Variants in IPO11 observed in about 807,000 individuals in gnomAD.
IPO11 encodes importin-11.
A neutral mutation model predicts 143.2 loss-of-function variants in IPO11; 66 were observed. The ratio of observed to expected loss-of-function variants is 0.46; its 90% CI spans 0.38 to 0.57. The LOEUF (loss-of-function observed/expected upper bound fraction) is 0.57. IPO11 is among the 20% of genes least tolerant of loss of function. The probability of loss-of-function intolerance (pLI) is 0.00; values close to 1 mark genes in which losing one functional copy is unlikely to be tolerated. For missense variants in IPO11, 1,026 were observed against 1,141.0 expected (o/e 0.90, Z 1.45); for synonymous variants, 385 against 377.8 (o/e 1.02, Z -0.22).
At chr5:62,424,444 T>G (rs1454100224) in intron 1 of IPO11, among the ~76,000 whole-genome samples, 1 of 151,024 alleles carries the variant, frequency 6.6e-6, no homozygotes, top group East Asian at 2.0e-4. Context: ...TGGCTCAGCT[T>G]CTTTTTGAGA....
chr5:62,508,845 A>C (rs773369234), intron 19 of IPO11, among the ~76,000 whole-genome samples: 5 of 152,114 alleles, frequency 3.3e-5, no homozygotes, highest in Non-Finnish European at 7.4e-5. Context: ...TATGAGTGAG[A>C]ACATGCGGTG....
intron 10 of IPO11, chr5:62,483,524 G>T: frequency 2.5e-6 from 1 of 398,434 alleles, no homozygotes; most frequent in Non-Finnish European, 4.4e-6. Flanking sequence ...TGAAGCTTAG[G>T]GACTTTAAGA....
intron 6 of IPO11, among the ~76,000 whole-genome samples, chr5:62,469,493 A>G (rs1351029097): frequency 1.3e-5 from 2 of 152,162 alleles, no homozygotes; most frequent in South Asian, 2.1e-4. Context: ...TGTAATAGCA[A>G]TCCTTATTTA....
chr5:62,520,047 C>T (rs1314337741), intron 20 of IPO11, among the ~76,000 whole-genome samples: 4 of 152,216 alleles, frequency 2.6e-5, no homozygotes, highest in Non-Finnish European at 2.9e-5. Context: ...GTGACCTCCC[C>T]TTATGCCACT....
chr5:62,488,203 G>A (rs1158899778), intron 13 of IPO11, among the ~76,000 whole-genome samples: 2 of 152,150 alleles, frequency 1.3e-5, no homozygotes, highest in Non-Finnish European at 2.9e-5. Context: ...GGTGGCAGTG[G>A]GAATGGAAAT....
At position 62,594,384 on chromosome 5, in the gene IPO11, T is replaced by C. The variant is rs549336433; in HGVS notation, c.2678+2712T>C. Among the ~76,000 whole-genome samples, 13 of 152,298 alleles carry C rather than the reference T, an allele frequency of 8.5e-5. No homozygotes were observed. The South Asian group carries it at 2.5e-3, about 29-fold the overall frequency. On this transcript the variant is annotated intron_variant, in intron 28 of 29. Coordinates refer to ENST00000325324, the MANE Select transcript of IPO11 (RefSeq NM_016338.5). ...TTGAGTACAGAATACAGTCCACAGT[T>C]CTTTGTATTTCACAAAGGTTACTTA...
At chr5:62,574,877 G>A (rs1744258378) in intron 27 of IPO11, among the ~76,000 whole-genome samples, 1 of 152,158 alleles carries the variant, frequency 6.6e-6, no homozygotes, top group Non-Finnish European at 1.5e-5. Context: ...TCCTTAGAAA[G>A]TATCAGTTTG....
At chr5:62,503,347 T>TA (rs1741414391) in intron 16 of IPO11, among the ~76,000 whole-genome samples, 1 of 131,892 alleles carries the variant, frequency 7.6e-6, no homozygotes, top group Admixed American at 7.9e-5. Flanking sequence ...ATTAATAGTA[T>TA]CTATTAATAT....
rs141302721 is a variant in IPO11 at position 62,486,976 on chromosome 5, A to G, written c.1219-795A>G. Among the ~76,000 whole-genome samples, 1,482 of 152,232 alleles carry G rather than the reference A, an allele frequency of 9.7e-3. 24 individuals carry two copies. Among genetic ancestry groups the G allele is most frequent in the African/African-American group, 0.034 (1,429 of 41,560 alleles). ...AATACCTTAAAAATTTAATTAAAAA[A>G]TTTAAATATTGTGAACGATCTAGTG... On this transcript the variant is annotated intron_variant, in intron 12 of 29. Coordinates refer to ENST00000325324, the MANE Select transcript of IPO11 (RefSeq NM_016338.5).
At chr5:62,544,934 A>G (rs1260469991) in intron 24 of IPO11, among the ~76,000 whole-genome samples, 1 of 152,192 alleles carries the variant, frequency 6.6e-6, no homozygotes, top group Non-Finnish European at 1.5e-5. Flanking sequence ...ACCACTGCTC[A>G]ACGAAATAAA....
intron 29 of IPO11, among the ~76,000 whole-genome samples, chr5:62,615,115 G>C (rs1300460655): frequency 6.6e-6 from 1 of 152,124 alleles, no homozygotes; most frequent in African/African-American, 2.4e-5. Context: ...AGGATAAGGG[G>C]GTGTGGTGGG....
At chr5:62,472,974 A>C (rs1279928110) in intron 7 of IPO11, among the ~76,000 whole-genome samples, 1 of 152,156 alleles carries the variant, frequency 6.6e-6, no homozygotes, top group Non-Finnish European at 1.5e-5. Context: ...CTTTCTTTGG[A>C]GAATAGGACT....
intron 29 of IPO11, among the ~76,000 whole-genome samples, chr5:62,622,041 G>T (rs1256496453): frequency 3.4e-5 from 5 of 148,836 alleles, no homozygotes; most frequent in South Asian, 4.3e-4. Context: ...TAGCTGAAGG[G>T]TTTTTTTTTT....
chr5:62,464,249 T>C (rs1008017886), intron 5 of IPO11, among the ~76,000 whole-genome samples: 1 of 143,510 alleles, frequency 7.0e-6, no homozygotes, highest in African/African-American at 2.6e-5. Context: ...TCCCGGATTC[T>C]CCCGCCTCAG....
intron 27 of IPO11, among the ~76,000 whole-genome samples, chr5:62,566,498 C>T (rs544923697): frequency 2.0e-5 from 3 of 151,810 alleles, no homozygotes; most frequent in South Asian, 2.1e-4. Context: ...TTTGGGAGGC[C>T]GAGGCAGGCA....
chr5:62,524,494 T>C (rs184417812), intron 20 of IPO11, among the ~76,000 whole-genome samples: 1 of 152,274 alleles, frequency 6.6e-6, no homozygotes, highest in East Asian at 1.9e-4. Context: ...TTTTTCTTAA[T>C]ATTCTTTCTT....
At chr5:62,430,231 G>GT (rs1318779263) in intron 1 of IPO11, among the ~76,000 whole-genome samples, 1 of 152,164 alleles carries the variant, frequency 6.6e-6, no homozygotes, top group Non-Finnish European at 1.5e-5. Flanking sequence ...GTTATTCTGT[G>GT]TTTAACATTT....
intron 16 of IPO11, among the ~76,000 whole-genome samples, chr5:62,497,430 G>A (rs1393268904): frequency 6.6e-6 from 1 of 151,996 alleles, no homozygotes; most frequent in African/African-American, 2.4e-5. Flanking sequence ...TCATTCTATT[G>A]TCTTTGTTAA....
intron 5 of IPO11, among the ~76,000 whole-genome samples, chr5:62,465,493 A>C (rs148132339): frequency 6.6e-6 from 1 of 152,202 alleles, no homozygotes; most frequent in Non-Finnish European, 1.5e-5. Context: ...CTTCTCTGCT[A>C]TAATACTACT....
Sources: allele counts gnomAD v4.1 joint callset (sites outside exome capture counted in the v4.1 genomes callset), GRCh38; gene constraint gnomAD v4.1.1; transcripts MANE v1.5; gene names NCBI Gene and HGNC (gene_info 2026-07-23, HGNC 2026-07-21).